The following P3H2 variants were observed in gnomAD, a reference collection of about 807,000 sequenced individuals.
P3H2 encodes the protein prolyl 3-hydroxylase 2, also known as leprecan-like 1.
A neutral mutation model predicts 87.0 loss-of-function variants in P3H2; 80 were observed. The ratio of observed to expected loss-of-function variants is 0.92; its 90% CI spans 0.77 to 1.11. The LOEUF (loss-of-function observed/expected upper bound fraction) is 1.11, where lower values mean the gene tolerates loss of function less well. P3H2 is among the 50% of genes least tolerant of loss of function. The probability of loss-of-function intolerance (pLI) is 0.00; values close to 1 mark genes in which losing one functional copy is unlikely to be tolerated. For missense variants in P3H2, 1,001 were observed against 923.9 expected (o/e 1.08, Z -1.08); for synonymous variants, 367 against 359.3 (o/e 1.02, Z -0.24).
In P3H2 at chr3:190,120,887, T is replaced by A; in HGVS notation, c.-156A>T. The A allele has an allele frequency of 9.7e-6, 12 of 1,235,684 alleles. No homozygotes were observed. The South Asian group carries it at 2.0e-4, about 21-fold the overall frequency. 76.5% of individuals were successfully genotyped at this position (1,235,684 alleles called of 1,614,324 possible). On this transcript the variant is annotated 5_prime_UTR_variant, in exon 1 of 15. Coordinates refer to ENST00000319332, the MANE Select transcript of P3H2 (RefSeq NM_018192.4). ...CCCAGGTGACCGCCGGCGCTCCGCG[T>A]ACTGAGAGGCGGAGGCCGTGCCTGG...
intron 1 of P3H2, among the ~76,000 whole-genome samples, chr3:190,004,213 TATA>T (rs1024262227): frequency 6.6e-6 from 1 of 152,152 alleles, no homozygotes; most frequent in Non-Finnish European, 1.5e-5. Context: ...CAAAGCATTT[TATA>T]ATATTAGTAA....
In P3H2 at chr3:190,120,612, A is replaced by T; in HGVS notation, c.120T>A (p.Pro40=). Residue 40 remains proline, a synonymous_variant, in exon 1 of 15, where the codon CCT becomes CCA. Coordinates refer to ENST00000319332, the MANE Select transcript of P3H2 (RefSeq NM_018192.4). ...PRRELELEPG[P]LQPFDLLYAS... is the part of the protein sequence containing the mutation. ...CGTAGAGCAGGTCGAAGGGCTGCAG[A>T]GGCCCGGGCTCCAGCTCCAGCTCCC... The T allele has an allele frequency of 1.3e-6, 2 of 1,541,652 alleles. No homozygotes were observed. Among genetic ancestry groups the T allele is most frequent in the East Asian group, 5.0e-5 (2 of 40,326 alleles).
intron 8 of P3H2, 130 bp downstream of exon 8, chr3:189,982,916 G>T: frequency 1.4e-6 from 1 of 728,176 alleles, no homozygotes; most frequent in Non-Finnish European, 2.5e-6. Flanking sequence ...GACTATTAGG[G>T]AGTGTAGTAG....
chr3:189,988,858 G>T (rs778996519), intron 4 of P3H2, 49 bp downstream of exon 4: 3 of 1,610,622 alleles, frequency 1.9e-6, no homozygotes, highest in South Asian at 2.2e-5. Flanking sequence ...TGTCTGTAAT[G>T]ATGAACCACA....
intron 13 of P3H2, among the ~76,000 whole-genome samples, chr3:189,964,617 TACAA>T (rs1722921470): frequency 6.6e-6 from 1 of 152,278 alleles, no homozygotes; most frequent in African/African-American, 2.4e-5. Context: ...CTTTTCACAA[TACAA>T]ACATTTTTAA....
intron 1 of P3H2, among the ~76,000 whole-genome samples, chr3:190,046,062 G>T (rs563729185): frequency 6.6e-6 from 1 of 151,034 alleles, no homozygotes; most frequent in Admixed American, 6.6e-5. Context: ...GGCAGAGCTT[G>T]CAGTGAGCTG....
intron 1 of P3H2, among the ~76,000 whole-genome samples, chr3:190,004,674 G>A (rs564447194): frequency 1.4e-4 from 22 of 152,260 alleles, no homozygotes; most frequent in Admixed American, 7.8e-4. Context: ...GAGCCACCGC[G>A]CCTGGCCACG....
In P3H2 at chr3:189,957,926, T is replaced by G. The variant is rs773814562; in HGVS notation, c.2113A>C (p.Lys705Gln). The change falls in exon 15 of 15, where the codon AAA (lysine) becomes CAA (glutamine). Residue 705 changes from lysine (K) to glutamine (Q), a missense_variant. Physicochemically the swap from Lys to Gln is moderately conservative, Grantham distance 53. Transcript: ENST00000319332. ...CTTTCTCATTTTTATAGCTCATCTT[T>G]AGGGTTGATATTCAGTTCATGCTTC... ...QGKHELNINP[K>Q]DEL 1.2e-6 allele frequency: 2 copies of G among 1,604,744 alleles called. No homozygotes were observed. Among genetic ancestry groups the G allele is most frequent in the South Asian group, 2.2e-5 (2 of 90,886 alleles).
intron 1 of P3H2, among the ~76,000 whole-genome samples, chr3:190,000,778 C>CG (rs1413092730): frequency 6.6e-6 from 1 of 152,194 alleles, no homozygotes; most frequent in South Asian, 2.1e-4. Flanking sequence ...TAGAGAAGGA[C>CG]GGATCATTTG....
chr3:189,963,171 G>A (rs920981788), intron 14 of P3H2, among the ~76,000 whole-genome samples: 7 of 152,152 alleles, frequency 4.6e-5, no homozygotes, highest in African/African-American at 1.7e-4. Context: ...AGCTCCACAG[G>A]TGGAGACTAT....
intron 1 of P3H2, among the ~76,000 whole-genome samples, chr3:190,110,765 C>T (rs1440403547): frequency 6.6e-6 from 1 of 152,192 alleles, no homozygotes; most frequent in East Asian, 1.9e-4. Flanking sequence ...GGCAGACTTA[C>T]AAATTTAGCA....
intron 1 of P3H2, among the ~76,000 whole-genome samples, chr3:190,042,446 G>C (rs113133749): frequency 1.0e-5 from 1 of 99,494 alleles, no homozygotes; most frequent in Non-Finnish European, 2.2e-5. Context: ...GTGTGTGTGT[G>C]TGTGTGTGTG....
At chr3:190,088,259 T>A (rs1383471288) in intron 1 of P3H2, among the ~76,000 whole-genome samples, 1 of 152,236 alleles carries the variant, frequency 6.6e-6, no homozygotes, top group East Asian at 1.9e-4. Context: ...AATATTATTA[T>A]GTACAATACA....
chr3:189,957,645 T>G lies in P3H2; in HGVS notation c.*267A>C. 1 of 511,526 alleles carries G rather than the reference T, an allele frequency of 2.0e-6. No individual in the cohort carries two copies. 31.7% of individuals were successfully genotyped at this position (511,526 alleles called of 1,614,324 possible). On this transcript the variant is annotated 3_prime_UTR_variant, in exon 15 of 15. Transcript: ENST00000319332. ...GGCTCCAGTGTGCTATCATCACATC[T>G]GTGAATAGCCACTGCCCTATATCCT... is the stretch of plus-strand genomic sequence containing the variant.
chr3:189,956,997 A>G lies in P3H2; in HGVS notation c.*915T>C, dbSNP rs1722652856. On this transcript the variant is annotated 3_prime_UTR_variant, in exon 15 of 15. Transcript: ENST00000319332. ...AAAGCCATTCTACTACAACCTCTAC[A>G]TGACCTTTTAAAGTGTACAACTTAT... The G allele has an allele frequency of 1.3e-5, 5 of 397,682 alleles. No homozygotes were observed. Among genetic ancestry groups the G allele is most frequent in the Non-Finnish European group, 2.2e-5 (5 of 225,716 alleles). The allele number at this position is 397,682 out of a possible 1,614,324, so 24.6% of individuals were successfully genotyped here.
At chr3:190,041,037 TACACACACACACACAC>T (rs1202716732) in intron 1 of P3H2, among the ~76,000 whole-genome samples, 578 of 49,350 alleles carry the variant, frequency 0.012, 46 homozygotes, top group African/African-American at 0.033. Flanking sequence ...TATATATATA[TACACACACACACACAC>T]ACACACACAC....
chr3:190,023,119 C>T (rs1439856019), intron 1 of P3H2, among the ~76,000 whole-genome samples: 1 of 152,146 alleles, frequency 6.6e-6, no homozygotes, highest in African/African-American at 2.4e-5. Context: ...AGCCACCACG[C>T]CCAGCCAAAA....
At chr3:190,077,722 C>T (rs1225992757) in intron 1 of P3H2, among the ~76,000 whole-genome samples, 2 of 152,118 alleles carry the variant, frequency 1.3e-5, no homozygotes, top group Non-Finnish European at 2.9e-5. Flanking sequence ...CAGATTAATA[C>T]AGTTATTACA....
At chr3:190,015,098 G>A (rs766169005) in intron 1 of P3H2, among the ~76,000 whole-genome samples, 7 of 151,992 alleles carry the variant, frequency 4.6e-5, no homozygotes, top group Non-Finnish European at 7.4e-5. Flanking sequence ...CACTGCAACC[G>A]GCAACTCCTG....
Sources: gnomAD v4.1 joint callset for allele counts (sites outside exome capture counted in the v4.1 genomes callset) on GRCh38, gnomAD v4.1.1 for gene constraint, MANE v1.5 for transcripts, NCBI Gene and HGNC (gene_info 2026-07-23, HGNC 2026-07-21) for gene names.